Variants in STARD3NL observed in about 807,000 individuals in gnomAD.
STARD3NL encodes the protein STARD3 N-terminal-like protein.
Under a neutral mutation model 30.9 loss-of-function variants are expected in STARD3NL, and 17 were observed. The ratio of observed to expected loss-of-function variants is 0.55; its 90% CI spans 0.38 to 0.82. STARD3NL has a LOEUF of 0.82. Ranked by LOEUF, STARD3NL falls within the 40% of genes least tolerant of loss-of-function variation. The probability of loss-of-function intolerance (pLI) is 0.00; values close to 1 mark genes in which losing one functional copy is unlikely to be tolerated. For missense variants in STARD3NL, 234 were observed against 277.6 expected, an observed-to-expected ratio of 0.84 and a Z score of 1.12; for synonymous variants, 112 against 100.5, an observed-to-expected ratio of 1.11 and a Z score of -0.69.
intron 1 of STARD3NL, among the ~76,000 whole-genome samples, chr7:38,185,159 G>A (rs1007406738): frequency 2.3e-4 from 35 of 152,044 alleles, no homozygotes; most frequent in Non-Finnish European, 1.3e-4. Context: ...AGGGGATCAC[G>A]AGGTTACTTC....
intron 8 of STARD3NL, among the ~76,000 whole-genome samples, 167 bp downstream of exon 8, chr7:38,229,038 T>A (rs1786949191): frequency 6.6e-6 from 1 of 152,214 alleles, no homozygotes; most frequent in Non-Finnish European, 1.5e-5. Flanking sequence ...GTCTTAACAT[T>A]TTTTATACAG....
chr7:38,226,475 C>T (rs141071543), intron 7 of STARD3NL, among the ~76,000 whole-genome samples: 3 of 152,186 alleles, frequency 2.0e-5, no homozygotes, highest in Admixed American at 6.5e-5. Flanking sequence ...ACTCAAATAC[C>T]TGGATCAAGG....
chr7:38,212,258 G>T (rs1037655836), intron 2 of STARD3NL, among the ~76,000 whole-genome samples: 1 of 152,126 alleles, frequency 6.6e-6, no homozygotes, highest in Non-Finnish European at 1.5e-5. Flanking sequence ...TCTGTTCCTG[G>T]CTCACGGTAG....
chr7:38,178,875 A>AG (rs1350406968), intron 1 of STARD3NL, among the ~76,000 whole-genome samples: 19 of 151,838 alleles, frequency 1.3e-4, no homozygotes, highest in East Asian at 5.8e-4. Flanking sequence ...AAAAAAAAAA[A>AG]AAAGAAAGAA....
chr7:38,221,665 T>C (rs1015041247), intron 7 of STARD3NL, among the ~76,000 whole-genome samples: 1 of 152,246 alleles, frequency 6.6e-6, no homozygotes, highest in African/African-American at 2.4e-5. Context: ...TATGAAAATA[T>C]AGACTTGGTC....
chr7:38,207,462 G>A lies in STARD3NL; in HGVS notation c.-43G>A. ...TTTCCCAAAGGTGTCTTCTCTTTAG[G>A]GATGGTGAGGTTGGAAAAAGGCTCC... On this transcript the variant is annotated 5_prime_UTR_variant, in exon 2 of 9. Transcript: ENST00000009041. 1 of 1,555,230 alleles carries A rather than the reference G, an allele frequency of 6.4e-7. No individual in the cohort carries two copies. The highest frequency in any genetic ancestry group is 1.7e-4 in the Middle Eastern group (1 of 5,844).
intron 3 of STARD3NL, 22 bp from the exon 4 acceptor site, chr7:38,215,006 C>T: frequency 6.2e-7 from 1 of 1,602,134 alleles, no homozygotes; most frequent in East Asian, 2.2e-5. Context: ...TTTAAAACAT[C>T]CCTTTATTTT....
At chr7:38,210,919 C>A (rs893011598) in intron 2 of STARD3NL, among the ~76,000 whole-genome samples, 1 of 152,130 alleles carries the variant, frequency 6.6e-6, no homozygotes, top group South Asian at 2.1e-4. Context: ...TGGCCTTGGG[C>A]AAGCTGTTTA....
intron 1 of STARD3NL, among the ~76,000 whole-genome samples, chr7:38,206,742 T>G (rs1169432831): frequency 6.6e-6 from 1 of 152,154 alleles, no homozygotes; most frequent in African/African-American, 2.4e-5. Context: ...GGAAAGAAAT[T>G]CCTCCTCAGG....
chr7:38,217,315 T>C lies in STARD3NL; in HGVS notation c.553+10T>C. ...GCAGAAGAAGAAAACAGTAAGTTCC[T>C]CTCAAAGTCAGCCTCCTGAGGCGGA... On this transcript the variant is annotated intron_variant, in intron 6 of 8. Transcript: ENST00000009041. The C allele has an allele frequency of 1.9e-6, 3 of 1,613,030 alleles. No individual in the cohort carries two copies. Among genetic ancestry groups the C allele is most frequent in the Non-Finnish European group, 2.5e-6 (3 of 1,179,430 alleles).
intron 1 of STARD3NL, among the ~76,000 whole-genome samples, chr7:38,203,123 A>G (rs1785269049): frequency 6.6e-6 from 1 of 152,308 alleles, no homozygotes; most frequent in Admixed American, 6.5e-5. Flanking sequence ...AATTCAGGAA[A>G]TACAGAGAAT....
At chr7:38,208,007 G>A (rs564112294) in intron 2 of STARD3NL, among the ~76,000 whole-genome samples, 1 of 152,306 alleles carries the variant, frequency 6.6e-6, no homozygotes, top group East Asian at 1.9e-4. Flanking sequence ...TAGGCTGTAA[G>A]ACAAATTCAG....
At chr7:38,182,366 A>G (rs1424955753) in intron 1 of STARD3NL, among the ~76,000 whole-genome samples, 1 of 152,182 alleles carries the variant, frequency 6.6e-6, no homozygotes, top group African/African-American at 2.4e-5. Flanking sequence ...TGTCACAAAT[A>G]AAATCAGTGT....
intron 1 of STARD3NL, among the ~76,000 whole-genome samples, chr7:38,203,279 G>C (rs1034542765): frequency 6.6e-6 from 1 of 152,194 alleles, no homozygotes; most frequent in African/African-American, 2.4e-5. Flanking sequence ...ACTAACAGCT[G>C]ATCTCTCGGC....
Position 38,207,519 on chromosome 7 carries a change from A to G in STARD3NL, c.15A>G (p.Pro5=). 1.9e-6 allele frequency: 3 copies of G among 1,613,988 alleles called. No homozygotes were observed. The highest frequency in any genetic ancestry group is 2.5e-6 in the Non-Finnish European group (3 of 1,179,938). Residue 5 remains proline (P), a synonymous_variant, in exon 2 of 9, where the codon CCA becomes CCG. Transcript: ENST00000009041. ...CCTCCTCCAGGATGAACCACCTGCC[A>G]GAAGACATGGAGAACGCTCTCACCG... The part of the protein sequence containing the change: MNHL[P]EDMENALTGS...
chr7:38,203,034 A>C (rs1416479315), intron 1 of STARD3NL, among the ~76,000 whole-genome samples: 1 of 152,038 alleles, frequency 6.6e-6, no homozygotes, highest in East Asian at 1.9e-4. Flanking sequence ...CAATAAACAT[A>C]CATGTGCAAG....
At chr7:38,207,784 GT>G (rs1785576157) in intron 2 of STARD3NL, 55 bp downstream of exon 2, 4 of 1,510,372 alleles carry the variant, frequency 2.6e-6, no homozygotes, top group Admixed American at 1.8e-5. Flanking sequence ...AGACAACAGG[GT>G]TTTTTTGTTC....
intron 2 of STARD3NL, among the ~76,000 whole-genome samples, chr7:38,213,803 A>G (rs562536451): frequency 1.3e-5 from 2 of 152,366 alleles, no homozygotes; most frequent in South Asian, 4.1e-4. Flanking sequence ...TTCATTATCT[A>G]TTCATGTTAA....
chr7:38,192,757 C>A (rs1224998605), intron 1 of STARD3NL, among the ~76,000 whole-genome samples: 1 of 152,132 alleles, frequency 6.6e-6, no homozygotes, highest in Non-Finnish European at 1.5e-5. Flanking sequence ...TGAACTAATG[C>A]TTAATATTTG....
Sources: gnomAD v4.1 joint callset for allele counts (sites outside exome capture counted in the v4.1 genomes callset) on GRCh38, gnomAD v4.1.1 for gene constraint, MANE v1.5 for transcripts, NCBI Gene and HGNC (gene_info 2026-07-23, HGNC 2026-07-21) for gene names.